Variants in PTPN5 observed in about 807,000 individuals in gnomAD.
PTPN5 encodes the protein tyrosine-protein phosphatase non-receptor type 5.
Under a neutral mutation model 73.9 loss-of-function variants are expected in PTPN5, and 29 were observed. That is an observed-to-expected ratio of 0.39 (90% CI 0.29 to 0.54). The LOEUF is 0.54. PTPN5 is among the 20% of genes least tolerant of loss of function. PTPN5 has a pLI of 0.65. For missense variants in PTPN5, 652 were observed against 751.4 expected (o/e 0.87, Z 1.55); for synonymous variants, 267 against 304.7 (o/e 0.88, Z 1.29).
At chr11:18,792,633 G>C (rs1169571561), upstream of PTPN5, 1 of 152,552 alleles carries the variant, frequency 6.6e-6, no homozygotes, top group Non-Finnish European at 1.5e-5. Flanking sequence ...CCATCCCCAT[G>C]GGGGCTTGAG....
At chr11:18,765,939 A>G in intron 2 of PTPN5, 56 bp from the exon 3 acceptor site, 2 of 1,305,416 alleles carry the variant, frequency 1.5e-6, no homozygotes, top group Non-Finnish European at 2.2e-6. Context: ...CAAGACAAAA[A>G]CCCTGAGCAA....
At position 18,737,885 on chromosome 11, in the gene PTPN5, A is replaced by G; in HGVS notation, c.995T>C (p.Leu332Pro). Residue 332 changes from leucine to proline, a missense_variant, in exon 9 of 15, where the codon CTT (leucine) becomes CCT (proline). Coordinates refer to ENST00000358540, the MANE Select transcript of PTPN5 (RefSeq NM_006906.2). ...CTGGGACAGTGAGTACTCACTGGGA[A>G]GTATGGTTTTGTACCGGTTCTTCCG... Reference protein sequence around the residue: ...LVRKNRYKTILPNPHSRVCLT... With the variant: ...LVRKNRYKTIPPNPHSRVCLT... The G allele has an allele frequency of 6.2e-7, 1 of 1,613,718 alleles. No homozygotes were observed. Among genetic ancestry groups the G allele is most frequent in the Non-Finnish European group, 8.5e-7 (1 of 1,179,604 alleles).
intron 1 of PTPN5, among the ~76,000 whole-genome samples, chr11:18,774,908 G>C (rs912333519): frequency 2.0e-5 from 3 of 152,166 alleles, no homozygotes; most frequent in African/African-American, 7.2e-5. Context: ...CAGGAAAAAG[G>C]GCAGAAGCAA....
rs187663657 is a variant in PTPN5 at position 18,757,971 on chromosome 11, A to G, written c.97+7836T>C. On this transcript the variant is annotated intron_variant, in intron 3 of 14. Transcript: ENST00000358540. Reference sequence around the variant, plus strand: ...AAGTAGCAGGGAGGAGAGCCAAAGAAAAGAGAAGAGCAAAAGAGCCGAAGA... The same window carrying G: ...AAGTAGCAGGGAGGAGAGCCAAAGAGAAGAGAAGAGCAAAAGAGCCGAAGA... Among the ~76,000 whole-genome samples, 39 of 152,366 alleles carry G rather than the reference A, an allele frequency of 2.6e-4. 1 individual carries two copies. Among genetic ancestry groups the G allele is most frequent in the African/African-American group, 9.4e-4 (39 of 41,586 alleles).
chr11:18,779,195 C>T (rs1264697089), intron 1 of PTPN5, among the ~76,000 whole-genome samples: 1 of 152,170 alleles, frequency 6.6e-6, no homozygotes, highest in Non-Finnish European at 1.5e-5. Context: ...CTGATTTAAC[C>T]CTTCTGTGCT....
chr11:18,762,195 G>T (rs924877734), intron 3 of PTPN5, among the ~76,000 whole-genome samples: 1 of 152,056 alleles, frequency 6.6e-6, no homozygotes, highest in African/African-American at 2.4e-5. Flanking sequence ...GTGGTGGCTC[G>T]GAGTGTTGGC....
chr11:18,770,995 C>T (rs1166522092), intron 2 of PTPN5, among the ~76,000 whole-genome samples: 2 of 152,150 alleles, frequency 1.3e-5, no homozygotes, highest in Admixed American at 6.5e-5. Flanking sequence ...CATGAAGTCC[C>T]AGCTTTGCCC....
At position 18,742,488 on chromosome 11, in the gene PTPN5, T is replaced by C. The variant is rs1468451118; in HGVS notation, c.499A>G (p.Arg167Gly). The change falls in exon 7 of 15, where the codon AGG becomes GGG. Residue 167 changes from arginine (R) to glycine (G), a missense_variant. Arg to Gly is a moderately radical substitution (Grantham distance 125). Around this residue, in one of 3 missense-constraint regions of PTPN5, gnomAD observed 529 missense variants for 573.9 expected, o/e 0.92. Transcript: ENST00000358540. The surrounding 1 kb of genome is among the most constrained non-coding windows in gnomAD (Gnocchi z 4.1). ...LVTTLVWHLLRTPPEPPTPLP... is the reference protein window; with the variant it reads ...LVTTLVWHLLGTPPEPPTPLP... Reference sequence around the variant, plus strand: ...GGGGTGGGTGGCTCTGGGGGTGTCCTCAGGAGGTGCCACACCTGGTTGGGG... The same window carrying C: ...GGGGTGGGTGGCTCTGGGGGTGTCCCCAGGAGGTGCCACACCTGGTTGGGG... 6.2e-7 allele frequency: 1 copy of C among 1,613,590 alleles called. No homozygotes were observed. The highest frequency in any genetic ancestry group is 1.1e-5 in the South Asian group (1 of 91,080).
intron 8 of PTPN5, among the ~76,000 whole-genome samples, chr11:18,740,186 T>A (rs545274179): frequency 1.3e-5 from 2 of 152,008 alleles, no homozygotes; most frequent in South Asian, 4.2e-4. Flanking sequence ...CCAGGGGTGG[T>A]AACGAGGGGA....
chr11:18,734,725 A>G (rs573137610), intron 9 of PTPN5, among the ~76,000 whole-genome samples: 53 of 152,212 alleles, frequency 3.5e-4, no homozygotes, highest in African/African-American at 1.3e-3. Flanking sequence ...AGAGGCCAAG[A>G]CTGAGGTTGT....
Position 18,733,716 on chromosome 11 carries a change from C to A in PTPN5, c.1001-81G>T, listed in dbSNP as rs1321778551. 1.7e-6 allele frequency: 2 copies of A among 1,202,924 alleles called. No individual in the cohort carries two copies. The highest frequency in any genetic ancestry group is 2.5e-6 in the Non-Finnish European group (2 of 808,918). The allele number at this position is 1,202,924 out of a possible 1,614,324, so 74.5% of individuals were successfully genotyped here. A position where few individuals can be genotyped will look rare whatever the true frequency, so the allele number is the denominator to read the frequency against. ...ACTTGCTCTGGCCTATTCCAGCATA[C>A]CCACACTTCTTCTGCGACATTAGCA... On this transcript the variant is annotated intron_variant, in intron 9 of 14. Transcript: ENST00000358540. This position sits in a 1 kb window ranked among gnomAD's most constrained non-coding sequence, Gnocchi z 4.3.
chr11:18,755,935 T>TGG (rs1320321443), intron 3 of PTPN5, among the ~76,000 whole-genome samples: 1 of 130,296 alleles, frequency 7.7e-6, no homozygotes, highest in African/African-American at 2.9e-5. Context: ...ACCCGGGAGG[T>TGG]GGAGGTTGCA....
intron 1 of PTPN5, among the ~76,000 whole-genome samples, chr11:18,789,339 A>G (rs1375752009): frequency 6.6e-6 from 1 of 152,210 alleles, no homozygotes. Context: ...CAAATAGTTC[A>G]TAACATCATC....
In PTPN5 at chr11:18,744,118, G is replaced by T. The variant is rs145275249; in HGVS notation, c.179C>A (p.Pro60His). The change falls in exon 4 of 15, where the codon CCT becomes CAT. Residue 60 changes from proline to histidine, a missense_variant. By Grantham distance (77) the Pro-to-His change is moderately conservative. This residue lies in a region of PTPN5 where 529 missense variants were observed against 573.9 expected (regional missense o/e 0.92). Transcript: ENST00000358540. ...TGGATCTGAGGGCGGCGAGGGAGGA[G>T]GGGGTGGCGGCATCTCTCTCTGTGA... is the stretch of plus-strand genomic sequence containing the variant. The part of the protein sequence containing the change: ...QDSQREMPPP[P>H]PPSPPSDPAQ... 2.5e-6 allele frequency: 4 copies of T among 1,610,558 alleles called. No homozygotes were observed. The highest frequency in any genetic ancestry group is 3.4e-6 in the Non-Finnish European group (4 of 1,178,664).
At chr11:18,772,126 G>T (rs898079442) in intron 1 of PTPN5, 55 bp from the exon 2 acceptor site, 6 of 552,852 alleles carry the variant, frequency 1.1e-5, no homozygotes, top group African/African-American at 2.0e-5. Flanking sequence ...CACACAGTGT[G>T]CCAACAATTT....
At position 18,743,883 on chromosome 11, in the gene PTPN5, G is replaced by A. The variant is rs1027349522; in HGVS notation, c.291+123C>T. On this transcript the variant is annotated intron_variant, in intron 4 of 14. Transcript: ENST00000358540. Reference sequence around the variant, plus strand: ...CCAGCCTTGAGGGCTTGGAGCTCCTGAGGAACACCAGGGAGGCCCCTTATC... The same window carrying A: ...CCAGCCTTGAGGGCTTGGAGCTCCTAAGGAACACCAGGGAGGCCCCTTATC... 5.1e-6 allele frequency: 6 copies of A among 1,166,098 alleles called. No individual in the cohort carries two copies. In the South Asian group the frequency reaches 5.3e-5, roughly 10 times the overall value. The allele number at this position is 1,166,098 out of a possible 1,614,324, so 72.2% of individuals were successfully genotyped here.
chr11:18,787,813 C>G (rs1851738008), intron 1 of PTPN5, among the ~76,000 whole-genome samples: 1 of 152,190 alleles, frequency 6.6e-6, no homozygotes, highest in African/African-American at 2.4e-5. Context: ...CCTGGTAGAG[C>G]TTGGGCAGGA....
chr11:18,770,104 G>A (rs751862762), intron 2 of PTPN5, among the ~76,000 whole-genome samples: 8 of 152,296 alleles, frequency 5.3e-5, no homozygotes, highest in East Asian at 1.9e-4. Context: ...GGTAGCGTCC[G>A]ATCTGGTCTG....
intron 1 of PTPN5, among the ~76,000 whole-genome samples, chr11:18,786,328 G>A (rs1851668135): frequency 6.6e-6 from 1 of 152,012 alleles, no homozygotes; most frequent in Admixed American, 6.5e-5. Context: ...TCAGCCTCCT[G>A]AGTAGCTGGG....
Sources: allele counts gnomAD v4.1 joint callset (sites outside exome capture counted in the v4.1 genomes callset), GRCh38; gene constraint gnomAD v4.1.1; regional missense constraint gnomAD v4.1.1; non-coding constraint Gnocchi (gnomAD v3.1); transcripts MANE v1.5; gene names NCBI Gene and HGNC (gene_info 2026-07-23, HGNC 2026-07-21).